The following ANO2 variants were observed in gnomAD, a reference collection of about 807,000 sequenced individuals.
ANO2 encodes anoctamin 2.
Under a neutral mutation model 124.2 loss-of-function variants are expected in ANO2, and 101 were observed. That is an observed-to-expected ratio of 0.81 (90% CI 0.69 to 0.96). ANO2 has a LOEUF of 0.96. ANO2 is among the 40% of genes least tolerant of loss of function. The pLI is 0.00. For missense variants in ANO2, 1,293 were observed against 1,274.5 expected, an observed-to-expected ratio of 1.01 and a Z score of -0.22; for synonymous variants, 486 against 482.5, an observed-to-expected ratio of 1.01 and a Z score of -0.09.
At chr12:5,716,668 G>C (rs951520041) in intron 14 of ANO2, among the ~76,000 whole-genome samples, 1 of 152,146 alleles carries the variant, frequency 6.6e-6, no homozygotes, top group Non-Finnish European at 1.5e-5. Context: ...CTGGCCGATA[G>C]ACCATGCACC....
chr12:5,569,583 T>C (rs1325727304), intron 23 of ANO2, among the ~76,000 whole-genome samples: 1 of 152,192 alleles, frequency 6.6e-6, no homozygotes, highest in African/African-American at 2.4e-5. Context: ...ACTTACTACC[T>C]GTAAGAGACC....
Position 5,578,365 on chromosome 12 carries a change from C to A in ANO2, c.2386+1G>T, listed in dbSNP as rs759262127. ...GTGGGGCCTCTAAGTGGGGCACGTA[C>A]CGATATCTTTGGTTCTTACAGCATC... On this transcript the variant is annotated splice_donor_variant, in intron 21 of 24. Transcript: ENST00000682330. LOFTEE classifies it high-confidence loss of function. 6.2e-7 allele frequency: 1 copy of A among 1,613,374 alleles called. No homozygotes were observed. The highest frequency in any genetic ancestry group is 8.5e-7 in the Non-Finnish European group (1 of 1,179,578).
chr12:5,685,634 A>G (rs1288847283), intron 14 of ANO2, among the ~76,000 whole-genome samples: 1 of 152,134 alleles, frequency 6.6e-6, no homozygotes, highest in Non-Finnish European at 1.5e-5. Context: ...AAATACAAAA[A>G]GTAGCTGGGC....
chr12:5,750,804 C>A, intron 11 of ANO2, 32 bp downstream of exon 11: 1 of 1,598,900 alleles, frequency 6.3e-7, no homozygotes, highest in South Asian at 1.1e-5. Flanking sequence ...TAACATATGG[C>A]AACTGAGCCC....
chr12:5,570,183 C>G lies in ANO2; in HGVS notation c.2622-4520G>C, dbSNP rs562443357. Among the ~76,000 whole-genome samples the G allele has an allele frequency of 7.0e-4, 107 of 152,256 alleles. 1 individual carries two copies. The Middle Eastern group carries it at 0.024, about 34-fold the overall frequency. On this transcript the variant is annotated intron_variant, in intron 23 of 24. Coordinates refer to ENST00000682330, the MANE Select transcript of ANO2 (RefSeq NM_001364791.2). ...TTGATTGAATTGAGTTTGTACATGA[C>G]TTAAATAAGATTTCCATTAACTCAA... is the stretch of plus-strand genomic sequence containing the variant.
At chr12:5,907,022 C>T (rs1190459685) in intron 3 of ANO2, among the ~76,000 whole-genome samples, 3 of 151,966 alleles carry the variant, frequency 2.0e-5, no homozygotes, top group Admixed American at 6.6e-5. Context: ...CAAGAAAGTC[C>T]GTTTTCAATT....
chr12:5,578,982 A>G (rs1420319862), intron 20 of ANO2, among the ~76,000 whole-genome samples: 2 of 152,252 alleles, frequency 1.3e-5, no homozygotes, highest in African/African-American at 4.8e-5. Context: ...GCTGAGTTCC[A>G]ATAAAACTTT....
intron 10 of ANO2, among the ~76,000 whole-genome samples, chr12:5,793,860 G>C (rs1355577974): frequency 6.6e-6 from 1 of 152,100 alleles, no homozygotes; most frequent in African/African-American, 2.4e-5. Context: ...TGTTTCCATT[G>C]GTCAACCACA....
At chr12:5,876,843 G>A (rs1938135699) in intron 3 of ANO2, among the ~76,000 whole-genome samples, 1 of 152,170 alleles carries the variant, frequency 6.6e-6, no homozygotes, top group African/African-American at 2.4e-5. Context: ...AGGGGGTTAG[G>A]GGAGGGATAG....
At chr12:5,673,472 T>G (rs959230336) in intron 14 of ANO2, among the ~76,000 whole-genome samples, 1 of 152,242 alleles carries the variant, frequency 6.6e-6, no homozygotes, top group African/African-American at 2.4e-5. Context: ...ACTCATTTGC[T>G]TGGTAAACCT....
chr12:5,793,225 T>A (rs2137152758), intron 10 of ANO2, among the ~76,000 whole-genome samples: 1 of 152,268 alleles, frequency 6.6e-6, no homozygotes, highest in South Asian at 2.1e-4. Flanking sequence ...TTTCATGACT[T>A]CCTATGGGCT....
At chr12:5,885,619 A>T (rs1938836998) in intron 3 of ANO2, among the ~76,000 whole-genome samples, 1 of 152,230 alleles carries the variant, frequency 6.6e-6, no homozygotes, top group Non-Finnish European at 1.5e-5. Context: ...GGCAGAGTCA[A>T]GATTTGAATC....
intron 10 of ANO2, among the ~76,000 whole-genome samples, chr12:5,784,712 G>T (rs1952493540): frequency 6.6e-6 from 1 of 152,164 alleles, no homozygotes; most frequent in Admixed American, 6.5e-5. Flanking sequence ...TTAAATGAAA[G>T]AAGGGCTGGG....
chr12:5,735,485 G>A (rs1950821015), intron 13 of ANO2, among the ~76,000 whole-genome samples: 2 of 152,216 alleles, frequency 1.3e-5, no homozygotes. Context: ...GCCAGTCCTA[G>A]ACACAAGATC....
chr12:5,820,325 T>C (rs1450027932), intron 7 of ANO2, among the ~76,000 whole-genome samples: 1 of 152,172 alleles, frequency 6.6e-6, no homozygotes, highest in African/African-American at 2.4e-5. Flanking sequence ...GGACTACTGG[T>C]CATTGGCTCT....
chr12:5,946,217 T>C, upstream of ANO2: 7 of 1,602,042 alleles, frequency 4.4e-6, no homozygotes, highest in Non-Finnish European at 5.1e-6. This position sits in a 1 kb window ranked among gnomAD's most constrained non-coding sequence, Gnocchi z 4.1. Flanking sequence ...TCCCACTTTA[T>C]AGAGAAGGAG....
intron 3 of ANO2, among the ~76,000 whole-genome samples, chr12:5,891,351 C>A (rs1939381457): frequency 6.6e-6 from 1 of 152,096 alleles, no homozygotes; most frequent in South Asian, 2.1e-4. Context: ...CTCTTTGCTC[C>A]CAAGAGGTTG....
chr12:5,719,233 G>A (rs1479532042), intron 14 of ANO2, among the ~76,000 whole-genome samples: 1 of 152,138 alleles, frequency 6.6e-6, no homozygotes, highest in Non-Finnish European at 1.5e-5. Context: ...TCTTTTTGGT[G>A]GCCTGAGCCT....
chr12:5,797,784 C>T (rs1952909637), intron 10 of ANO2, among the ~76,000 whole-genome samples: 1 of 152,178 alleles, frequency 6.6e-6, no homozygotes, highest in African/African-American at 2.4e-5. Context: ...GTGTTCCAGG[C>T]CATCTGATCT....
Sources: gnomAD v4.1 joint callset for allele counts (sites outside exome capture counted in the v4.1 genomes callset) on GRCh38, gnomAD v4.1.1 for gene constraint, Gnocchi (gnomAD v3.1) non-coding constraint, MANE v1.5 for transcripts, NCBI Gene and HGNC (gene_info 2026-07-23, HGNC 2026-07-21) for gene names.